CADM1: variants seen among roughly 807,000 people sequenced by gnomAD.
CADM1 encodes TSLC-1.
Under a neutral mutation model 53.1 loss-of-function variants are expected in CADM1, and 15 were observed. That is an observed-to-expected ratio of 0.28 (90% CI 0.19 to 0.44). The LOEUF is 0.44. Among genes scored for constraint, CADM1 ranks in the 20% least tolerant of loss-of-function variants. The pLI, the probability that CADM1 is intolerant of heterozygous loss-of-function variation, is 1.00. For missense variants in CADM1, 434 were observed against 611.3 expected, an observed-to-expected ratio of 0.71 and a Z score of 3.06; for synonymous variants, 281 against 243.0, an observed-to-expected ratio of 1.16 and a Z score of -1.45.
chr11:115,217,868 C>A (rs1391945695), intron 6 of CADM1, 24 bp downstream of exon 6: 2 of 1,509,180 alleles, frequency 1.3e-6, no homozygotes, highest in Non-Finnish European at 1.8e-6. Flanking sequence ...TGACCCTCTG[C>A]CAACTTTGGC....
At chr11:115,265,117 C>T (rs933593097) in intron 1 of CADM1, among the ~76,000 whole-genome samples, 2 of 152,158 alleles carry the variant, frequency 1.3e-5, no homozygotes, top group Admixed American at 6.5e-5. Context: ...TCCCACCTAC[C>T]ACATGCCCCT....
At chr11:115,503,854 G>A (rs867599853) in intron 1 of CADM1, among the ~76,000 whole-genome samples, 1 of 152,080 alleles carries the variant, frequency 6.6e-6, no homozygotes, top group African/African-American at 2.4e-5. Flanking sequence ...GAGAGGTGGG[G>A]GCGAATGGAC....
intron 1 of CADM1, chr11:115,256,837 G>A (rs1942804633): frequency 2.2e-6 from 1 of 455,890 alleles, no homozygotes; most frequent in African/African-American, 2.0e-5. Context: ...CTTACCACTG[G>A]TATGTCCAGA....
chr11:115,174,655 A>G lies in CADM1; in HGVS notation c.*1819T>C, dbSNP rs1938937793. ...TTGACACTTTTTCCCCCTTAAATAA[A>G]TCAGCATAAGTTTTCCACATAATGT... On this transcript the variant is annotated 3_prime_UTR_variant, in exon 12 of 12. Transcript: ENST00000331581. 1 of 984,158 alleles carries G rather than the reference A, an allele frequency of 1.0e-6. No individual in the cohort carries two copies. Among genetic ancestry groups the G allele is most frequent in the South Asian group, 4.7e-5 (1 of 21,264 alleles). The allele number at this position is 984,158 out of a possible 1,614,324, so 61.0% of individuals were successfully genotyped here.
At chr11:115,196,067 T>G (rs779125314) in intron 9 of CADM1, among the ~76,000 whole-genome samples, 2 of 152,136 alleles carry the variant, frequency 1.3e-5, no homozygotes, top group Non-Finnish European at 2.9e-5. Flanking sequence ...GTCAATAACA[T>G]CCTACTGAGG....
At chr11:115,300,989 C>G (rs1565352170) in intron 1 of CADM1, among the ~76,000 whole-genome samples, 3 of 152,064 alleles carry the variant, frequency 2.0e-5, no homozygotes, top group African/African-American at 7.2e-5. Context: ...ACCGCCCCCC[C>G]ACCACTCAAA....
At chr11:115,332,562 G>A (rs1249057022) in intron 1 of CADM1, among the ~76,000 whole-genome samples, 1 of 152,142 alleles carries the variant, frequency 6.6e-6, no homozygotes, top group Non-Finnish European at 1.5e-5. Context: ...TTAGGGAGGT[G>A]AGGTGCAGCA....
chr11:115,176,234 G>C lies in CADM1; in HGVS notation c.*240C>G. 3 of 1,265,368 alleles carry C rather than the reference G, an allele frequency of 2.4e-6. No individual in the cohort carries two copies. The highest frequency in any genetic ancestry group is 1.0e-6 in the Non-Finnish European group (1 of 992,804). The allele number at this position is 1,265,368 out of a possible 1,614,324, so 78.4% of individuals were successfully genotyped here. ...AATCCAAGTATCCAAGTTTGACTTG[G>C]TAGGAAGAAATAAAAATTAAACAAA... On this transcript the variant is annotated 3_prime_UTR_variant, in exon 12 of 12. Coordinates refer to ENST00000331581, the MANE Select transcript of CADM1 (RefSeq NM_001301043.2).
At chr11:115,178,351 T>C (rs1372176907) in intron 11 of CADM1, among the ~76,000 whole-genome samples, 5 of 152,138 alleles carry the variant, frequency 3.3e-5, no homozygotes, top group African/African-American at 1.2e-4. Context: ...TTATCATTTT[T>C]CCTCTATCCC....
intron 1 of CADM1, among the ~76,000 whole-genome samples, chr11:115,333,171 A>G (rs1021690389): frequency 4.6e-5 from 7 of 152,112 alleles, no homozygotes; most frequent in African/African-American, 1.7e-4. Context: ...GATTTTCCCA[A>G]TGGTGTCCTA....
chr11:115,458,493 A>AATT (rs67114126), intron 1 of CADM1, among the ~76,000 whole-genome samples: 10,870 of 143,554 alleles, frequency 0.076, 834 homozygotes, highest in East Asian at 0.34. Flanking sequence ...TGTTAGCTGT[A>AATT]ATTATTATTA....
chr11:115,397,711 T>A (rs909631094), intron 1 of CADM1: 1 of 60 alleles, frequency 0.017, no homozygotes, highest in African/African-American at 0.1. Flanking sequence ...AGAGACATTG[T>A]ACTCTATCAG....
At chr11:115,295,533 TATATATATATATATATA>T (rs1277011741) in intron 1 of CADM1, among the ~76,000 whole-genome samples, 898 of 89,704 alleles carry the variant, frequency 0.01, 27 homozygotes, top group African/African-American at 0.056. Flanking sequence ...TATATATATA[TATATATATATATATATA>T]ATATATATGT....
Position 115,300,591 on chromosome 11 carries a change from A to G in CADM1, c.125-60171T>C, listed in dbSNP as rs374580262. On this transcript the variant is annotated intron_variant, in intron 1 of 11. Coordinates refer to ENST00000331581, the MANE Select transcript of CADM1 (RefSeq NM_001301043.2). The stretch of plus-strand genomic sequence containing the variant: ...AATTCTGTCCTGAAGAACTCTTGAA[A>G]CAAAATTTGCTGGAGTAATATTTCT... 5.9e-5 allele frequency among the ~76,000 whole-genome samples: 9 copies of G among 152,282 alleles called. No homozygotes were observed. The South Asian group carries it at 1.4e-3, about 25-fold the overall frequency.
At chr11:115,240,501 T>C in intron 1 of CADM1, 81 bp from the exon 2 acceptor site, 4 of 1,423,162 alleles carry the variant, frequency 2.8e-6, no homozygotes, top group Non-Finnish European at 3.9e-6. Flanking sequence ...AAGTGGGAAC[T>C]AGGCATATTA....
chr11:115,412,711 G>T (rs2135249059), intron 1 of CADM1, among the ~76,000 whole-genome samples: 1 of 152,242 alleles, frequency 6.6e-6, no homozygotes, highest in Admixed American at 6.5e-5. Flanking sequence ...AATGCAATGT[G>T]GTTGTCAATC....
Position 115,337,394 on chromosome 11 carries a change from C to T in CADM1, c.125-96974G>A, listed in dbSNP as rs12281338. On this transcript the variant is annotated intron_variant, in intron 1 of 11. Coordinates refer to ENST00000331581, the MANE Select transcript of CADM1 (RefSeq NM_001301043.2). ...TTGCTATCCTATTAGTTCTCAACAG[C>T]ACCTCTCTTTTCCAGAGAAACCAAC... 5.1e-3 allele frequency among the ~76,000 whole-genome samples: 779 copies of T among 152,266 alleles called. 8 individuals carry two copies. Among genetic ancestry groups the T allele is most frequent in the African/African-American group, 0.018 (749 of 41,550 alleles).
intron 9 of CADM1, among the ~76,000 whole-genome samples, chr11:115,194,671 C>G (rs746567913): frequency 6.6e-6 from 1 of 151,952 alleles, no homozygotes; most frequent in African/African-American, 2.4e-5. Flanking sequence ...AGAAGGGGCA[C>G]AGAGAGAAAG....
At chr11:115,258,690 T>C (rs1158836704) in intron 1 of CADM1, among the ~76,000 whole-genome samples, 1 of 152,188 alleles carries the variant, frequency 6.6e-6, no homozygotes, top group Non-Finnish European at 1.5e-5. Flanking sequence ...GTTACCAAGA[T>C]CAATAAGATA....
Sources: gnomAD v4.1 joint callset for allele counts (sites outside exome capture counted in the v4.1 genomes callset) on GRCh38, gnomAD v4.1.1 for gene constraint, MANE v1.5 for transcripts, NCBI Gene and HGNC (gene_info 2026-07-23, HGNC 2026-07-21) for gene names.